The following NDST3 variants were observed in gnomAD, a reference collection of about 807,000 sequenced individuals.
NDST3 encodes the protein bifunctional heparan sulfate N-deacetylase/N-sulfotransferase 3.
NDST3 carries 58 observed loss-of-function variants against 96.1 expected under a neutral mutation model. The observed-to-expected ratio is 0.60, with a 90% CI of 0.49 to 0.75. NDST3 has a LOEUF of 0.75. Ranked by LOEUF, NDST3 falls within the 30% of genes least tolerant of loss-of-function variation. The pLI, the probability that NDST3 is intolerant of heterozygous loss-of-function variation, is 0.00. For synonymous variants in NDST3, 333 were observed against 359.7 expected (o/e 0.93, Z 0.84); for missense variants, 788 against 1,034.2 (o/e 0.76, Z 3.27).
intron 2 of NDST3, among the ~76,000 whole-genome samples, chr4:118,098,379 AT>A (rs1294313227): frequency 6.6e-6 from 1 of 151,954 alleles, no homozygotes; most frequent in Non-Finnish European, 1.5e-5. Flanking sequence ...TTTAACACTT[AT>A]TTTCTTTTAA....
intron 3 of NDST3, among the ~76,000 whole-genome samples, chr4:118,107,221 C>T (rs1472883287): frequency 6.6e-6 from 1 of 152,136 alleles, no homozygotes; most frequent in Admixed American, 6.5e-5. Context: ...ACTGTGGACT[C>T]TCATTCTGAA....
intron 6 of NDST3, among the ~76,000 whole-genome samples, chr4:118,223,448 TA>T (rs1325569523): frequency 6.6e-6 from 1 of 152,056 alleles, no homozygotes; most frequent in African/African-American, 2.4e-5. Flanking sequence ...AATTTATTTG[TA>T]AAAGTTCAAA....
At chr4:118,092,886 G>A (rs1048080731) in intron 2 of NDST3, among the ~76,000 whole-genome samples, 1 of 151,826 alleles carries the variant, frequency 6.6e-6, no homozygotes, top group Admixed American at 6.6e-5. Context: ...AGAAGTCTGA[G>A]CCTCAGAAAA....
chr4:118,168,207 C>T (rs1735685143), intron 6 of NDST3, among the ~76,000 whole-genome samples: 2 of 151,804 alleles, frequency 1.3e-5, no homozygotes, highest in South Asian at 4.1e-4. Flanking sequence ...AAAGGAACTG[C>T]TACAACTCAA....
intron 13 of NDST3, among the ~76,000 whole-genome samples, chr4:118,254,129 C>T (rs1741952109): frequency 6.6e-6 from 1 of 151,716 alleles, no homozygotes; most frequent in Admixed American, 6.6e-5. Context: ...CCTGTAATCC[C>T]AACTACTCAG....
At chr4:118,066,105 A>AATATATTTTATATATTATATATT (rs1726309469) in intron 2 of NDST3, among the ~76,000 whole-genome samples, 1 of 39,270 alleles carries the variant, frequency 2.5e-5, no homozygotes, top group African/African-American at 5.9e-5. Flanking sequence ...TATATTATAT[A>AATATATTTTATATATTATATATT]ATATATTTTA....
intron 2 of NDST3, among the ~76,000 whole-genome samples, chr4:118,096,716 T>TAGATAGAC (rs1255933534): frequency 6.8e-6 from 1 of 147,274 alleles, no homozygotes; most frequent in African/African-American, 2.5e-5. Context: ...GATAGACAGT[T>TAGATAGAC]AGGCAGATGT....
intron 6 of NDST3, among the ~76,000 whole-genome samples, chr4:118,189,012 T>G (rs2125962323): frequency 6.6e-6 from 1 of 152,282 alleles, no homozygotes; most frequent in South Asian, 2.1e-4. Context: ...TTTAGAAATC[T>G]GATATAATTT....
chr4:118,177,433 C>T (rs527672976), intron 6 of NDST3, among the ~76,000 whole-genome samples: 1 of 152,112 alleles, frequency 6.6e-6, no homozygotes, highest in African/African-American at 2.4e-5. Context: ...TTGATGAAAT[C>T]ACTGGGTTCA....
intron 2 of NDST3, among the ~76,000 whole-genome samples, chr4:118,077,672 G>C (rs1727659697): frequency 6.6e-6 from 1 of 152,190 alleles, no homozygotes. Context: ...GCCTCCACTG[G>C]CCTGTGGCAT....
At chr4:118,241,292 C>A (rs139147890) in intron 11 of NDST3, among the ~76,000 whole-genome samples, 4 of 150,790 alleles carry the variant, frequency 2.7e-5, no homozygotes, top group African/African-American at 9.8e-5. Context: ...TTCCTTTAGC[C>A]ACATTTTAAG....
chr4:118,195,331 G>A (rs781426830), intron 6 of NDST3, among the ~76,000 whole-genome samples: 3 of 152,138 alleles, frequency 2.0e-5, no homozygotes, highest in Non-Finnish European at 2.9e-5. Flanking sequence ...ATTGTATAAT[G>A]GGGGCAGTTC....
At chr4:118,198,103 G>T (rs1737820086) in intron 6 of NDST3, among the ~76,000 whole-genome samples, 1 of 151,860 alleles carries the variant, frequency 6.6e-6, no homozygotes, top group African/African-American at 2.4e-5. Context: ...TGGCCTCATT[G>T]TTTTTTTATT....
At chr4:118,118,894 A>T (rs1040022052) in intron 4 of NDST3, among the ~76,000 whole-genome samples, 2 of 152,212 alleles carry the variant, frequency 1.3e-5, no homozygotes, top group African/African-American at 4.8e-5. Flanking sequence ...TTAAACCTCA[A>T]AAAAGTCTTC....
chr4:118,076,137 G>T (rs1332010876), intron 2 of NDST3, among the ~76,000 whole-genome samples: 1 of 152,120 alleles, frequency 6.6e-6, no homozygotes, highest in Non-Finnish European at 1.5e-5. Flanking sequence ...AATCTTTTCT[G>T]GCTTGGAGGG....
intron 2 of NDST3, among the ~76,000 whole-genome samples, chr4:118,073,000 T>C (rs978470275): frequency 4.6e-5 from 7 of 152,214 alleles, no homozygotes; most frequent in Admixed American, 6.5e-5. Flanking sequence ...GTTTTTGTTT[T>C]TAATTCTGTT....
intron 10 of NDST3, among the ~76,000 whole-genome samples, chr4:118,237,595 G>A (rs1195140432): frequency 6.6e-6 from 1 of 152,006 alleles, no homozygotes; most frequent in African/African-American, 2.4e-5. Flanking sequence ...GAGTCAGATT[G>A]CAACAAGTTC....
intron 4 of NDST3, among the ~76,000 whole-genome samples, chr4:118,133,851 G>T (rs1732845558): frequency 1.3e-5 from 2 of 152,186 alleles, no homozygotes; most frequent in African/African-American, 4.8e-5. Context: ...ACTAGTATTT[G>T]TTGAGTACTT....
At chr4:118,185,258 G>A (rs1736869314) in intron 6 of NDST3, among the ~76,000 whole-genome samples, 1 of 151,872 alleles carries the variant, frequency 6.6e-6, no homozygotes, top group Admixed American at 6.6e-5. Flanking sequence ...TTCATGCTGT[G>A]TGTATATACA....
Sources: gnomAD v4.1 joint callset for allele counts (sites outside exome capture counted in the v4.1 genomes callset) on GRCh38, gnomAD v4.1.1 for gene constraint, MANE v1.5 for transcripts, NCBI Gene and HGNC (gene_info 2026-07-23, HGNC 2026-07-21) for gene names.